Variants in TAF1 observed in about 807,000 individuals in gnomAD.
TAF1 encodes TATA-box binding protein associated factor 1.
In TAF1, 2 loss-of-function variants were observed where a neutral mutation model predicts 138.5. The ratio of observed to expected loss-of-function variants is 0.01; its 90% confidence interval spans 0.01 to 0.05. The LOEUF (loss-of-function observed/expected upper bound fraction) is 0.05. TAF1 is among the 10% of genes least tolerant of loss of function. TAF1 has a pLI of 1.00. For synonymous variants in TAF1, 437 were observed against 503.2 expected, an observed-to-expected ratio of 0.87 and a Z score of 1.76; for missense variants, 709 against 1,478.0, an observed-to-expected ratio of 0.48 and a Z score of 8.53.
chrX:71,368,472 C>T (rs2032739715), intron 3 of TAF1, among the ~76,000 whole-genome samples: 1 of 111,352 alleles, frequency 9.0e-6, no homozygotes, highest in South Asian at 3.7e-4. Flanking sequence ...TTGTGAGATA[C>T]ACTTCAAAGT....
chrX:71,528,070 T>G (rs759619218), intron 13 of TAF1: 1 of 201,282 alleles, frequency 5.0e-6, no homozygotes, highest in South Asian at 7.9e-5. Flanking sequence ...TAATTGTCCT[T>G]TCACATCTGG....
chrX:71,526,244 C>T (rs2039996722), intron 13 of TAF1, among the ~76,000 whole-genome samples: 1 of 111,481 alleles, frequency 9.0e-6, no homozygotes, highest in Admixed American at 9.6e-5. Flanking sequence ...CAAGTTCTAA[C>T]CAAGATAATG....
intron 6 of TAF1, 48 bp downstream of exon 6, chrX:71,377,869 G>A (rs2033597062): frequency 9.2e-7 from 1 of 1,089,555 alleles, no homozygotes; most frequent in African/African-American, 1.9e-5. Flanking sequence ...AGGAACAAAT[G>A]AATTCAATGA....
intron 13 of TAF1, among the ~76,000 whole-genome samples, chrX:71,500,137 G>A (rs905415658): frequency 2.2e-4 from 24 of 111,142 alleles, no homozygotes; most frequent in Non-Finnish European, 4.2e-4. Context: ...AAGGGGAGCT[G>A]TAGGAAGGCT....
intron 25 of TAF1, among the ~76,000 whole-genome samples, chrX:71,404,724 A>G (rs1210155459): frequency 1.8e-5 from 2 of 110,790 alleles, no homozygotes; most frequent in Non-Finnish European, 3.8e-5. Context: ...CTTATTTCAT[A>G]TTTGTATCCA....
At chrX:71,508,102 A>G (rs2039664254) in intron 13 of TAF1, among the ~76,000 whole-genome samples, 1 of 104,412 alleles carries the variant, frequency 9.6e-6, no homozygotes, top group South Asian at 4.2e-4. Context: ...ATATATATAT[A>G]TATATATATA....
intron 27 of TAF1, 49 bp downstream of exon 27, chrX:71,407,721 G>T (rs1323063691): frequency 3.5e-6 from 4 of 1,140,179 alleles, no homozygotes; most frequent in Non-Finnish European, 4.8e-6. Flanking sequence ...AAGGCCTTTT[G>T]TTCTGTCTGT....
intron 32 of TAF1, among the ~76,000 whole-genome samples, chrX:71,452,345 G>A (rs778361879): frequency 1.0e-4 from 11 of 109,842 alleles, no homozygotes; most frequent in African/African-American, 3.0e-4. Flanking sequence ...CTTCTCAGAC[G>A]GGGCAGCCGG....
At chrX:71,381,595 T>C in intron 8 of TAF1, 148 bp from the exon 9 acceptor site, 1 of 573,759 alleles carries the variant, frequency 1.7e-6, no homozygotes, top group Non-Finnish European at 2.7e-6. Flanking sequence ...AGAAATACAC[T>C]GTGTAGGTTC....
chrX:71,367,420 T>C (rs1211200921), intron 1 of TAF1, 79 bp from the exon 2 acceptor site: 16 of 1,100,050 alleles, frequency 1.5e-5, no homozygotes, highest in Non-Finnish European at 1.2e-6. Context: ...GACTTTGTCG[T>C]GGACCAGGGA....
intron 24 of TAF1, among the ~76,000 whole-genome samples, chrX:71,398,950 CTT>C (rs762779046): frequency 4.5e-5 from 5 of 111,146 alleles, no homozygotes; most frequent in African/African-American, 1.6e-4. Context: ...TTCTCTCTCT[CTT>C]TTTTTTAGAC....
intron 13 of TAF1, among the ~76,000 whole-genome samples, chrX:71,475,409 C>T (rs1384380471): frequency 9.2e-5 from 10 of 108,925 alleles, no homozygotes; most frequent in African/African-American, 3.3e-4. Context: ...TATGGTGAAA[C>T]TCCGTCTCTA....
intron 28 of TAF1, chrX:71,420,544 A>G: frequency 8.3e-7 from 1 of 1,206,889 alleles, no homozygotes; most frequent in South Asian, 1.8e-5. Context: ...CATTTCCTGG[A>G]GGTGGACTCA....
intron 32 of TAF1, among the ~76,000 whole-genome samples, chrX:71,448,562 A>G (rs1305463511): frequency 3.6e-5 from 4 of 111,998 alleles, no homozygotes; most frequent in African/African-American, 9.7e-5. Flanking sequence ...TTTATCCACA[A>G]TTTAACAGTG....
In TAF1 at chrX:71,390,671, C is replaced by T. The variant is rs189600849; in HGVS notation, c.2781+1006C>T. 3.1e-3 allele frequency among the ~76,000 whole-genome samples: 350 copies of T among 111,534 alleles called. 1 individual carries two copies. Among genetic ancestry groups the T allele is most frequent in the African/African-American group, 0.011 (327 of 30,697 alleles). ...AGCTGGGACAACAAGCACACACCAC[C>T]ACACCCAGCTAATAGTTTAAATTTT... is the stretch of plus-strand genomic sequence containing the variant. On this transcript the variant is annotated intron_variant, in intron 18 of 37. Coordinates refer to ENST00000423759, the MANE Select transcript of TAF1 (RefSeq NM_004606.5).
intron 13 of TAF1, among the ~76,000 whole-genome samples, chrX:71,503,350 A>ATATATATATGTG (rs1569408607): frequency 9.9e-6 from 1 of 100,704 alleles, no homozygotes; most frequent in African/African-American, 3.7e-5. Context: ...ATATGTGTAT[A>ATATATATATGTG]TATATATATA....
chrX:71,444,227 C>T (rs1462627940), intron 32 of TAF1, among the ~76,000 whole-genome samples: 1 of 111,830 alleles, frequency 8.9e-6, no homozygotes, highest in Non-Finnish European at 1.9e-5. Context: ...AGACTGGTCT[C>T]GAACTTCTGA....
chrX:71,523,568 A>G (rs1177349921), intron 13 of TAF1, among the ~76,000 whole-genome samples: 2 of 112,354 alleles, frequency 1.8e-5, no homozygotes, highest in East Asian at 5.5e-4. Flanking sequence ...TATACAAAGC[A>G]CATCAAATAT....
chrX:71,482,066 C>T (rs2039081926), intron 13 of TAF1, among the ~76,000 whole-genome samples: 1 of 111,973 alleles, frequency 8.9e-6, no homozygotes, highest in African/African-American at 3.2e-5. Context: ...GGTTGGCTTT[C>T]GGCCTTCGTG....
Sources: gnomAD v4.1 joint callset for allele counts (sites outside exome capture counted in the v4.1 genomes callset) on GRCh38, gnomAD v4.1.1 for gene constraint, MANE v1.5 for transcripts, NCBI Gene and HGNC (gene_info 2026-07-23, HGNC 2026-07-21) for gene names.